The following HS1BP3 variants were observed in gnomAD, a reference collection of about 807,000 sequenced individuals.
The protein encoded by HS1BP3 is HCLS1 binding protein 3.
HS1BP3 carries 32 observed loss-of-function variants against 33.5 expected under a neutral mutation model. That is an observed-to-expected ratio of 0.95 (90% CI 0.72 to 1.28). The LOEUF (loss-of-function observed/expected upper bound fraction) is 1.28, where lower values mean the gene tolerates loss of function less well. Ranked by LOEUF, HS1BP3 falls within the 50% of genes most tolerant of loss-of-function variation. The probability of loss-of-function intolerance (pLI) is 0.00; values close to 1 mark genes in which losing one functional copy is unlikely to be tolerated. For synonymous variants in HS1BP3, 187 were observed against 209.2 expected (o/e 0.89, Z 0.92); for missense variants, 486 against 502.3 (o/e 0.97, Z 0.31).
chr2:20,627,621 C>T (rs202178606), intron 4 of HS1BP3, among the ~76,000 whole-genome samples: 1 of 152,152 alleles, frequency 6.6e-6, no homozygotes, highest in Non-Finnish European at 1.5e-5. Context: ...TTTTGTTGTC[C>T]TGAACTGAAA....
intron 6 of HS1BP3, among the ~76,000 whole-genome samples, chr2:20,619,469 A>G (rs1257289920): frequency 6.6e-6 from 1 of 152,102 alleles, no homozygotes; most frequent in Non-Finnish European, 1.5e-5. Context: ...TCCCACCCAC[A>G]GCAAAGCAGG....
chr2:20,562,909 T>C (rs767721141), intron 5 of HS1BP3, among the ~76,000 whole-genome samples: 1 of 152,140 alleles, frequency 6.6e-6, no homozygotes. Flanking sequence ...TCCACTCCCA[T>C]ACATGTATCC....
At chr2:20,554,394 T>C in the HS1BP3 span, among the ~76,000 whole-genome samples, 1 of 152,160 alleles carries the variant, frequency 6.6e-6, no homozygotes, top group Non-Finnish European at 1.5e-5. Context: ...CAGACATACA[T>C]GCATCACTGT....
intron 5 of HS1BP3, among the ~76,000 whole-genome samples, chr2:20,584,663 A>T (rs1219819518): frequency 2.0e-5 from 3 of 147,082 alleles, no homozygotes; most frequent in Non-Finnish European, 4.5e-5. Context: ...TGCTCACCTT[A>T]GGAATTTGCC....
intron 4 of HS1BP3, among the ~76,000 whole-genome samples, chr2:20,631,353 A>C (rs1348372557): frequency 1.3e-5 from 2 of 151,762 alleles, no homozygotes; most frequent in African/African-American, 2.4e-5. Context: ...ATCTCTACAA[A>C]AAGTAGACAA....
chr2:20,626,157 A>G (rs537952652), intron 4 of HS1BP3, among the ~76,000 whole-genome samples: 14 of 152,154 alleles, frequency 9.2e-5, no homozygotes, highest in Non-Finnish European at 1.9e-4. Context: ...CCAATGGCAG[A>G]TAAAAATAGC....
intron 4 of HS1BP3, among the ~76,000 whole-genome samples, chr2:20,629,026 G>A (rs1379991055): frequency 6.6e-6 from 1 of 152,208 alleles, no homozygotes; most frequent in South Asian, 2.1e-4. Context: ...GGTGGTGCGA[G>A]GGGAAGACAG....
chr2:20,555,370 T>C, the HS1BP3 span, among the ~76,000 whole-genome samples: 3 of 152,214 alleles, frequency 2.0e-5, no homozygotes, highest in Non-Finnish European at 4.4e-5. Context: ...TGTGGGGTCC[T>C]TGTTCAGAAA....
At chr2:20,622,052 C>A in intron 6 of HS1BP3, 1 of 535,308 alleles carries the variant, frequency 1.9e-6, no homozygotes, top group Non-Finnish European at 2.9e-6. Flanking sequence ...AGAGGCCCTG[C>A]CCTGGTGTGG....
In HS1BP3 at chr2:20,611,122, A is replaced by G. The variant is rs184362975; in HGVS notation, c.178+12774T>C. On this transcript the variant is annotated intron_variant, in intron 2 of 3. Transcript: ENST00000415264. This position sits in a 1 kb window ranked among gnomAD's most constrained non-coding sequence, Gnocchi z 4.9. Reference sequence around the variant, plus strand: ...TGATATCCATTGTGGTATGTCTGTTAGAGGGTTTTTCCTTTTTGACGCTGC... The same window carrying G: ...TGATATCCATTGTGGTATGTCTGTTGGAGGGTTTTTCCTTTTTGACGCTGC... Among the ~76,000 whole-genome samples the G allele has an allele frequency of 1.1e-4, 17 of 152,312 alleles. No homozygotes were observed. The East Asian group carries it at 3.3e-3, about 29-fold the overall frequency.
At position 20,611,451 on chromosome 2, in the gene HS1BP3, A is replaced by G. The variant is rs1369982201; in HGVS notation, c.178+12445T>C. Among the ~76,000 whole-genome samples the G allele has an allele frequency of 1.3e-5, 2 of 152,204 alleles. No homozygotes were observed. Among genetic ancestry groups the G allele is most frequent in the Admixed American group, 6.5e-5 (1 of 15,280 alleles). ...GCCAGAAACCTCTCTCCACTTGACC[A>G]CATCGTGCGCAAAGTTCAGGGACCA... On this transcript the variant is annotated intron_variant, in intron 2 of 3. Coordinates refer to the HS1BP3 transcript ENST00000415264. The surrounding 1 kb of genome is among the most constrained non-coding windows in gnomAD (Gnocchi z 4.9).
chr2:20,594,245 C>A (rs1280477193), intron 3 of HS1BP3, among the ~76,000 whole-genome samples: 1 of 149,672 alleles, frequency 6.7e-6, no homozygotes, highest in African/African-American at 2.6e-5. Flanking sequence ...AGAGTGGGGG[C>A]CCAGGTGTGC....
chr2:20,555,808 C>T (rs937480041), downstream of HS1BP3, among the ~76,000 whole-genome samples: 5 of 152,264 alleles, frequency 3.3e-5, no homozygotes, highest in African/African-American at 1.2e-4. Flanking sequence ...TGGTATAATG[C>T]AATGGGCTTC....
chr2:20,603,315 G>GAA (rs1464543360), intron 2 of HS1BP3, among the ~76,000 whole-genome samples: 1 of 152,112 alleles, frequency 6.6e-6, no homozygotes, highest in East Asian at 1.9e-4. Context: ...GCCAAAAGGT[G>GAA]AAAAAAAGCC....
intron 2 of HS1BP3, among the ~76,000 whole-genome samples, chr2:20,603,093 G>C (rs1694104163): frequency 6.6e-6 from 1 of 152,176 alleles, no homozygotes; most frequent in Non-Finnish European, 1.5e-5. Context: ...TTAGGGAGGA[G>C]GTGGAGAAAT....
At chr2:20,558,787 C>T (rs1692902394), downstream of HS1BP3, among the ~76,000 whole-genome samples, 1 of 152,156 alleles carries the variant, frequency 6.6e-6, no homozygotes, top group African/African-American at 2.4e-5. Flanking sequence ...CTCAGCCCTC[C>T]AAGCCTGTGG....
intron 4 of HS1BP3, among the ~76,000 whole-genome samples, chr2:20,631,195 A>G (rs1319327340): frequency 1.3e-5 from 2 of 152,096 alleles, no homozygotes; most frequent in African/African-American, 4.8e-5. Context: ...TCTACTCAGC[A>G]GACTTCACTC....
At chr2:20,569,858 G>A (rs72782339) in intron 5 of HS1BP3, among the ~76,000 whole-genome samples, 2,065 of 152,222 alleles carry the variant, frequency 0.014, 23 homozygotes, top group Non-Finnish European at 0.023. Flanking sequence ...TTGCCCCACC[G>A]CCTCTCTCTA....
Position 20,611,823 on chromosome 2 carries a change from C to T in HS1BP3, c.178+12073G>A, listed in dbSNP as rs532130984. On this transcript the variant is annotated intron_variant, in intron 2 of 3. Coordinates refer to the HS1BP3 transcript ENST00000415264. The surrounding 1 kb of genome is among the most constrained non-coding windows in gnomAD (Gnocchi z 4.9). The stretch of plus-strand genomic sequence containing the variant: ...AGCAGGCCATCACCCTGCTCAGCAG[C>T]GTGGGGTTCAGAGAAGCTGAGAGAT... Among the ~76,000 whole-genome samples, 1 of 152,298 alleles carries T rather than the reference C, an allele frequency of 6.6e-6. No individual in the cohort carries two copies. Among genetic ancestry groups the T allele is most frequent in the African/African-American group, 2.4e-5 (1 of 41,578 alleles).
Sources: allele counts gnomAD v4.1 joint callset (sites outside exome capture counted in the v4.1 genomes callset), GRCh38; gene constraint gnomAD v4.1.1; non-coding constraint Gnocchi (gnomAD v3.1); transcripts MANE v1.5; gene names NCBI Gene and HGNC (gene_info 2026-07-23, HGNC 2026-07-21).